SPATA16: variants seen among roughly 807,000 people sequenced by gnomAD.
The protein encoded by SPATA16 is spermatogenesis-associated protein 16.
Under a neutral mutation model 63.3 loss-of-function variants are expected in SPATA16, and 36 were observed. The observed-to-expected ratio is 0.57, with a 90% CI of 0.44 to 0.75. The LOEUF (loss-of-function observed/expected upper bound fraction) is 0.75, where lower values mean the gene tolerates loss of function less well. Among genes scored for constraint, SPATA16 ranks in the 30% least tolerant of loss-of-function variants. SPATA16 has a pLI of 0.00. For synonymous variants in SPATA16, 203 were observed against 216.7 expected (o/e 0.94, Z 0.56); for missense variants, 646 against 679.3 (o/e 0.95, Z 0.54).
chr3:173,011,563 G>A (rs1735075012), intron 4 of SPATA16, among the ~76,000 whole-genome samples: 2 of 152,172 alleles, frequency 1.3e-5, no homozygotes, highest in Admixed American at 1.3e-4. Context: ...GAAGAAACAA[G>A]TATGCCAGCT....
chr3:172,968,078 A>G (rs1733959934), intron 5 of SPATA16, among the ~76,000 whole-genome samples: 1 of 152,284 alleles, frequency 6.6e-6, no homozygotes, highest in African/African-American at 2.4e-5. Context: ...CTATTCCTGG[A>G]CTCAAATGAT....
At chr3:173,107,430 G>C (rs553438494) in intron 2 of SPATA16, among the ~76,000 whole-genome samples, 3 of 150,920 alleles carry the variant, frequency 2.0e-5, no homozygotes, top group African/African-American at 7.3e-5. Flanking sequence ...ACCACACTGA[G>C]TGTGATGAAA....
At chr3:173,101,893 T>C (rs1437518654) in intron 2 of SPATA16, among the ~76,000 whole-genome samples, 1 of 152,126 alleles carries the variant, frequency 6.6e-6, no homozygotes, top group Non-Finnish European at 1.5e-5. Context: ...CTTTCTTCTG[T>C]CCTCTCCTAC....
chr3:173,059,492 G>T (rs1253872775), intron 2 of SPATA16, among the ~76,000 whole-genome samples: 1 of 150,536 alleles, frequency 6.6e-6, no homozygotes, highest in Non-Finnish European at 1.5e-5. Context: ...ATATAAATTT[G>T]TTGTATGCTT....
intron 6 of SPATA16, among the ~76,000 whole-genome samples, chr3:172,937,426 T>A (rs948339051): frequency 1.3e-5 from 2 of 152,084 alleles, no homozygotes; most frequent in Non-Finnish European, 2.9e-5. Context: ...TAGAAAAAAA[T>A]AAAATATACA....
At chr3:173,108,620 AGGTGATTGTAATTATAAAG>A (rs1325216347) in intron 2 of SPATA16, among the ~76,000 whole-genome samples, 1 of 152,170 alleles carries the variant, frequency 6.6e-6, no homozygotes, top group Non-Finnish European at 1.5e-5. Flanking sequence ...ATAGCTCCCC[AGGTGATTGTAATTATAAAG>A]TCATATGCTG....
At chr3:173,057,824 G>C (rs977591234) in intron 2 of SPATA16, among the ~76,000 whole-genome samples, 1 of 152,096 alleles carries the variant, frequency 6.6e-6, no homozygotes, top group African/African-American at 2.4e-5. Flanking sequence ...TAAACAAATA[G>C]AATTTGTATT....
chr3:172,941,375 G>GA (rs577845592), intron 6 of SPATA16, among the ~76,000 whole-genome samples: 5 of 151,306 alleles, frequency 3.3e-5, no homozygotes, highest in Non-Finnish European at 7.4e-5. Context: ...AGCAGGTTAA[G>GA]AAAAAAAAAT....
intron 4 of SPATA16, among the ~76,000 whole-genome samples, chr3:173,014,025 C>T (rs1265532248): frequency 6.6e-6 from 1 of 152,022 alleles, no homozygotes; most frequent in Admixed American, 6.6e-5. Flanking sequence ...CTTTAATTTC[C>T]CGCCTCAAAA....
intron 1 of SPATA16, among the ~76,000 whole-genome samples, chr3:173,127,517 C>G (rs1487345332): frequency 6.6e-6 from 1 of 152,126 alleles, no homozygotes; most frequent in Non-Finnish European, 1.5e-5. Context: ...ATAGTTCTTT[C>G]TTCAGCTTTT....
At position 172,925,459 on chromosome 3, in the gene SPATA16, A is replaced by G. The variant is rs1447239902; in HGVS notation, c.1115T>C (p.Val372Ala). 1.9e-6 allele frequency: 3 copies of G among 1,614,062 alleles called. No homozygotes were observed. The highest frequency in any genetic ancestry group is 3.3e-5 in the Admixed American group (2 of 60,022). The stretch of plus-strand genomic sequence containing the variant: ...TTGGGGAGGAAAAGATGACCAGTCA[A>G]CTGTCTGAGGCAACATGTGGAGTGC... ...LQALHMLPQTVDWSSFPPQQY... is the reference protein window; with the variant it reads ...LQALHMLPQTADWSSFPPQQY... Residue 372 changes from valine (V) to alanine (A), a missense_variant, in exon 7 of 11, where the codon GTT (valine) becomes GCT (alanine). By Grantham distance (64) the Val-to-Ala change is moderately conservative. Transcript: ENST00000351008.
chr3:172,991,488 A>G (rs534990684), intron 4 of SPATA16, among the ~76,000 whole-genome samples: 2 of 152,070 alleles, frequency 1.3e-5, no homozygotes, highest in Admixed American at 6.6e-5. Context: ...TTTTCTTCCT[A>G]TGAGATATAT....
intron 4 of SPATA16, among the ~76,000 whole-genome samples, chr3:173,016,552 G>A (rs558524003): frequency 2.6e-5 from 4 of 152,252 alleles, no homozygotes; most frequent in Admixed American, 2.6e-4. Flanking sequence ...CATAATAATG[G>A]CATTTTTTTC....
At chr3:172,932,346 G>C (rs572405687) in intron 6 of SPATA16, among the ~76,000 whole-genome samples, 34 of 152,092 alleles carry the variant, frequency 2.2e-4, no homozygotes, top group Non-Finnish European at 3.7e-4. Flanking sequence ...TCTGGTGTCT[G>C]TGTCATTTCC....
chr3:173,075,910 GA>G (rs1323746048), intron 2 of SPATA16, among the ~76,000 whole-genome samples: 2 of 152,084 alleles, frequency 1.3e-5, no homozygotes, highest in African/African-American at 4.8e-5. Context: ...CAGAATTACT[GA>G]AAGAGTGGAA....
At chr3:173,049,926 C>T (rs1577148510) in intron 2 of SPATA16, among the ~76,000 whole-genome samples, 1 of 151,952 alleles carries the variant, frequency 6.6e-6, no homozygotes, top group Admixed American at 6.5e-5. Context: ...GAAGTCCTAT[C>T]TATGTTTAGT....
chr3:173,080,776 A>T (rs559158269), intron 2 of SPATA16, among the ~76,000 whole-genome samples: 1 of 152,346 alleles, frequency 6.6e-6, no homozygotes, highest in Admixed American at 6.5e-5. Flanking sequence ...CCAACAGTTT[A>T]TAAAAGCAGG....
chr3:172,984,252 T>A (rs1053142043), intron 4 of SPATA16, among the ~76,000 whole-genome samples: 1 of 152,206 alleles, frequency 6.6e-6, no homozygotes, highest in African/African-American at 2.4e-5. Flanking sequence ...GGAAGTTCTA[T>A]CTGACGACGC....
chr3:173,107,626 C>G (rs1003936683), intron 2 of SPATA16, among the ~76,000 whole-genome samples: 2 of 152,038 alleles, frequency 1.3e-5, no homozygotes, highest in African/African-American at 4.8e-5. Flanking sequence ...TAATATTTTT[C>G]TAGATAACCT....
Sources: gnomAD v4.1 joint callset for allele counts (sites outside exome capture counted in the v4.1 genomes callset) on GRCh38, gnomAD v4.1.1 for gene constraint, MANE v1.5 for transcripts, NCBI Gene and HGNC (gene_info 2026-07-23, HGNC 2026-07-21) for gene names.